MALRD1: variants seen among roughly 807,000 people sequenced by gnomAD.
MALRD1 encodes the protein MAM and LDL receptor class A domain containing 1.
In MALRD1, 247 loss-of-function variants were observed where a neutral mutation model predicts 242.1. The observed-to-expected ratio is 1.02, with a 90% CI of 0.92 to 1.13. The LOEUF (loss-of-function observed/expected upper bound fraction) is 1.13, where lower values mean the gene tolerates loss of function less well. MALRD1 is among the 50% of genes most tolerant of loss of function. MALRD1 has a pLI of 0.00. For missense variants in MALRD1, 2,989 were observed against 2,533.1 expected (o/e 1.18, Z -3.86); for synonymous variants, 995 against 866.6 (o/e 1.15, Z -2.60).
chr10:19,316,893 G>A (rs1419527157), intron 21 of MALRD1, among the ~76,000 whole-genome samples: 2 of 151,586 alleles, frequency 1.3e-5, no homozygotes, highest in Admixed American at 6.6e-5. Flanking sequence ...ATTTAATTGT[G>A]CACCTTAAAA....
chr10:19,288,889 T>G (rs1416401268), intron 21 of MALRD1, among the ~76,000 whole-genome samples: 2 of 152,162 alleles, frequency 1.3e-5, no homozygotes, highest in African/African-American at 4.8e-5. Flanking sequence ...GACCTCCTTC[T>G]GCAGATGGGC....
intron 9 of MALRD1, 70 bp downstream of exon 9, chr10:19,134,018 C>A (rs1833224211): frequency 1.5e-6 from 1 of 679,718 alleles, no homozygotes; most frequent in Non-Finnish European, 2.1e-6. Flanking sequence ...ATAAATTGAC[C>A]ATGCACTGCT....
Position 19,389,442 on chromosome 10 carries a change from T to G in MALRD1, c.4688-10T>G. 1 of 1,549,636 alleles carries G rather than the reference T, an allele frequency of 6.5e-7. No individual in the cohort carries two copies. The highest frequency in any genetic ancestry group is 8.7e-7 in the Non-Finnish European group (1 of 1,146,410). On this transcript the variant is annotated splice_polypyrimidine_tract_variant and intron_variant, in intron 27 of 39. Transcript: ENST00000454679. The stretch of plus-strand genomic sequence containing the variant: ...TTTCGTTCTTCTCTGAATTCTGTCC[T>G]TGTTCCTAGGGCACTTCATGTATCT...
At chr10:19,675,711 A>G (rs928045802) in intron 36 of MALRD1, among the ~76,000 whole-genome samples, 1 of 152,248 alleles carries the variant, frequency 6.6e-6, no homozygotes, top group African/African-American at 2.4e-5. Context: ...AATGTTAACT[A>G]CTGTTACTGT....
intron 30 of MALRD1, among the ~76,000 whole-genome samples, chr10:19,497,978 C>G (rs891122975): frequency 6.6e-6 from 1 of 152,170 alleles, no homozygotes; most frequent in East Asian, 1.9e-4. Flanking sequence ...AATTTAGTGA[C>G]TAGCTCTGAT....
intron 31 of MALRD1, among the ~76,000 whole-genome samples, chr10:19,520,907 C>A (rs1400052317): frequency 2.0e-5 from 3 of 152,110 alleles, no homozygotes; most frequent in Non-Finnish European, 4.4e-5. Flanking sequence ...GAATCAGATA[C>A]CCAATCAAAT....
chr10:19,310,978 C>T (rs1479582295), intron 21 of MALRD1, among the ~76,000 whole-genome samples: 1 of 151,448 alleles, frequency 6.6e-6, no homozygotes, highest in Non-Finnish European at 1.5e-5. Context: ...TATTTTAGTG[C>T]TCGTCTCAGA....
At chr10:19,319,129 A>G (rs190497160) in intron 21 of MALRD1, among the ~76,000 whole-genome samples, 46 of 152,130 alleles carry the variant, frequency 3.0e-4, no homozygotes, top group African/African-American at 1.1e-3. Flanking sequence ...GATTTTTATG[A>G]TAAACAGAAA....
At chr10:19,658,796 G>A (rs1391246536) in intron 36 of MALRD1, among the ~76,000 whole-genome samples, 1 of 152,032 alleles carries the variant, frequency 6.6e-6, no homozygotes, top group African/African-American at 2.4e-5. Flanking sequence ...CTTTTCCACT[G>A]TACCATTGGC....
rs569891101 is a variant in MALRD1 at position 19,064,508 on chromosome 10, C to CTTTTTT, written c.200-2205_200-2200dup. Among the ~76,000 whole-genome samples, 14 of 142,302 alleles carry CTTTTTT rather than the reference C, an allele frequency of 9.8e-5. No individual in the cohort carries two copies. In the East Asian group the frequency reaches 1.6e-3, roughly 17 times the overall value. 93.4% of individuals were successfully genotyped at this position (142,302 alleles called of 152,430 possible). On this transcript the variant is annotated intron_variant, in intron 1 of 39. Coordinates refer to ENST00000454679, the MANE Select transcript of MALRD1 (RefSeq NM_001142308.3). ...GGCAGTTATTAGAAGTTCAGGATTGCTTTTTTTTTTTGGTAAGAATTAATT... is the reference window on the plus strand; with the variant it reads ...GGCAGTTATTAGAAGTTCAGGATTGCTTTTTTTTTTTTTTTTTGGTAAGAATTAATT...
At chr10:19,153,544 A>G (rs994293106) in intron 11 of MALRD1, among the ~76,000 whole-genome samples, 2 of 152,018 alleles carry the variant, frequency 1.3e-5, no homozygotes, top group Non-Finnish European at 2.9e-5. Context: ...AAATTTAAAA[A>G]TTTGCTGTAT....
intron 4 of MALRD1, among the ~76,000 whole-genome samples, chr10:19,096,930 T>C (rs1199899752): frequency 2.6e-5 from 4 of 152,170 alleles, no homozygotes; most frequent in South Asian, 4.1e-4. Flanking sequence ...GGACTAGGTC[T>C]CTCCTTTAAT....
At chr10:19,151,891 T>C (rs1833958682) in intron 11 of MALRD1, among the ~76,000 whole-genome samples, 1 of 152,204 alleles carries the variant, frequency 6.6e-6, no homozygotes, top group Admixed American at 6.5e-5. Context: ...ATTATTCATT[T>C]CTTTATTCTA....
chr10:19,337,170 TTAACA>T (rs1194441977), intron 24 of MALRD1, among the ~76,000 whole-genome samples: 2 of 147,048 alleles, frequency 1.4e-5, no homozygotes, highest in African/African-American at 5.5e-5. Context: ...ATGTACATAC[TTAACA>T]TATGTGTATA....
chr10:19,298,858 A>G (rs1399355497), intron 21 of MALRD1, among the ~76,000 whole-genome samples: 2 of 152,108 alleles, frequency 1.3e-5, no homozygotes, highest in East Asian at 3.9e-4. Context: ...GTCAACGTTT[A>G]TCTTCTTAGG....
At chr10:19,308,086 T>G (rs1197661217) in intron 21 of MALRD1, among the ~76,000 whole-genome samples, 1 of 151,578 alleles carries the variant, frequency 6.6e-6, no homozygotes, top group Admixed American at 6.6e-5. Context: ...TATTATCGGC[T>G]GTAGTCACCC....
At chr10:19,342,471 G>A (rs1000311340) in intron 24 of MALRD1, among the ~76,000 whole-genome samples, 1 of 152,118 alleles carries the variant, frequency 6.6e-6, no homozygotes, top group Admixed American at 6.6e-5. Context: ...GGAGCTTCTT[G>A]TCTAGTAAAA....
At chr10:19,668,876 G>A (rs551790781) in intron 36 of MALRD1, among the ~76,000 whole-genome samples, 1 of 152,136 alleles carries the variant, frequency 6.6e-6, no homozygotes, top group Non-Finnish European at 1.5e-5. Context: ...CAGGAAGAGA[G>A]AACAGAGAAA....
chr10:19,308,093 AC>A (rs1373182869), intron 21 of MALRD1, among the ~76,000 whole-genome samples: 3 of 151,576 alleles, frequency 2.0e-5, no homozygotes, highest in African/African-American at 7.2e-5. Flanking sequence ...GGCTGTAGTC[AC>A]CCCAGTGTGC....
Sources: allele counts gnomAD v4.1 joint callset (sites outside exome capture counted in the v4.1 genomes callset), GRCh38; gene constraint gnomAD v4.1.1; transcripts MANE v1.5; gene names NCBI Gene and HGNC (gene_info 2026-07-23, HGNC 2026-07-21).